Variants in PKP4 observed in about 807,000 individuals in gnomAD.
PKP4 encodes the protein plakophilin-4.
A neutral mutation model predicts 145.1 loss-of-function variants in PKP4; 90 were observed. The observed-to-expected ratio is 0.62, with a 90% CI of 0.52 to 0.74. PKP4 has a LOEUF of 0.74. Ranked by LOEUF, PKP4 falls within the 30% of genes least tolerant of loss-of-function variation. The probability of loss-of-function intolerance (pLI) is 0.00; values close to 1 mark genes in which losing one functional copy is unlikely to be tolerated. For synonymous variants in PKP4, 563 were observed against 577.2 expected, an observed-to-expected ratio of 0.98 and a Z score of 0.35; for missense variants, 1,340 against 1,482.7, an observed-to-expected ratio of 0.90 and a Z score of 1.58.
chr2:158,505,849 C>T lies in PKP4; in HGVS notation c.-5-27331C>T, dbSNP rs146778072. 1.3e-4 allele frequency among the ~76,000 whole-genome samples: 20 copies of T among 152,038 alleles called. No individual in the cohort carries two copies. In the East Asian group the frequency reaches 1.6e-3, roughly 12 times the overall value. On this transcript the variant is annotated intron_variant, in intron 1 of 21. Coordinates refer to ENST00000389759, the MANE Select transcript of PKP4 (RefSeq NM_003628.6). The stretch of plus-strand genomic sequence containing the variant: ...AGAGTGCTGCTGTCCCTGGAAGTAC[C>T]GGTGTGGAGGAGGTGGGGTCTGAAA...
chr2:158,576,403 G>C (rs567243069), intron 2 of PKP4, among the ~76,000 whole-genome samples: 1 of 152,316 alleles, frequency 6.6e-6, no homozygotes, highest in African/African-American at 2.4e-5. Flanking sequence ...TGAGGAGACA[G>C]TATGGCACAG....
At chr2:158,544,780 G>T (rs867857896) in intron 2 of PKP4, among the ~76,000 whole-genome samples, 1 of 152,176 alleles carries the variant, frequency 6.6e-6, no homozygotes, top group South Asian at 2.1e-4. Context: ...ATGAGTTCAT[G>T]TTCCTCATCT....
chr2:158,668,074 GT>G lies in PKP4; in HGVS notation c.2728+1513del, dbSNP rs774319135. Among the ~76,000 whole-genome samples the G allele has an allele frequency of 4.3e-4, 65 of 151,956 alleles. 1 individual carries two copies. Among genetic ancestry groups the G allele is most frequent in the Non-Finnish European group, 8.2e-4 (56 of 68,020 alleles). On this transcript the variant is annotated intron_variant, in intron 16 of 21. Transcript: ENST00000389759. ...AAGACCTTTGGCAAGAGGAATGTGT[GT>G]TCCAAGTCTTGGCTTCCTCTCAGTG...
intron 15 of PKP4, among the ~76,000 whole-genome samples, chr2:158,664,056 A>G (rs2056855614): frequency 6.6e-6 from 1 of 152,224 alleles, no homozygotes; most frequent in Admixed American, 6.5e-5. Flanking sequence ...TACACACAGG[A>G]GGGACTACCG....
chr2:158,479,384 C>T lies in PKP4; in HGVS notation c.-6+22166C>T, dbSNP rs1247125486. 4.6e-5 allele frequency among the ~76,000 whole-genome samples: 7 copies of T among 152,092 alleles called. No homozygotes were observed. The South Asian group carries it at 6.2e-4, about 14-fold the overall frequency. ...AACAACAGGCATATGCCACCATGCC[C>T]GGTTAATTTTTGTATGTTTTGTAGA... On this transcript the variant is annotated intron_variant, in intron 1 of 21. Coordinates refer to ENST00000389759, the MANE Select transcript of PKP4 (RefSeq NM_003628.6).
chr2:158,634,646 C>T (rs895811984), intron 9 of PKP4, among the ~76,000 whole-genome samples: 4 of 152,124 alleles, frequency 2.6e-5, no homozygotes, highest in African/African-American at 7.2e-5. Flanking sequence ...TTATCCTGAC[C>T]GACTTCTTCG....
chr2:158,634,329 G>C (rs934662853), intron 9 of PKP4, 40 bp downstream of exon 9: 1 of 1,516,156 alleles, frequency 6.6e-7, no homozygotes, highest in African/African-American at 1.4e-5. Flanking sequence ...CTACAGTATT[G>C]CAGGAGTCAG....
At chr2:158,495,534 A>G (rs1574099911) in intron 1 of PKP4, among the ~76,000 whole-genome samples, 1 of 152,018 alleles carries the variant, frequency 6.6e-6, no homozygotes, top group African/African-American at 2.4e-5. Context: ...AGTAATAACT[A>G]TGTTTAAAAA....
intron 2 of PKP4, among the ~76,000 whole-genome samples, chr2:158,554,964 TA>T (rs1428968751): frequency 7.2e-6 from 1 of 138,622 alleles, no homozygotes; most frequent in Non-Finnish European, 1.7e-5. Context: ...GATTATTTGC[TA>T]TTTACTTGTT....
intron 11 of PKP4, among the ~76,000 whole-genome samples, chr2:158,653,499 T>C (rs2055599686): frequency 6.6e-6 from 1 of 152,240 alleles, no homozygotes; most frequent in African/African-American, 2.4e-5. Context: ...TTCATTGTGA[T>C]TATTGGTTAC....
At chr2:158,598,145 T>C (rs191741252) in intron 3 of PKP4, among the ~76,000 whole-genome samples, 3 of 152,346 alleles carry the variant, frequency 2.0e-5, no homozygotes, top group Non-Finnish European at 4.4e-5. Context: ...AATAAAGCAG[T>C]AAATTTTGCA....
intron 1 of PKP4, among the ~76,000 whole-genome samples, chr2:158,514,046 G>C (rs1444438854): frequency 1.3e-5 from 2 of 152,094 alleles, no homozygotes; most frequent in African/African-American, 4.8e-5. Flanking sequence ...TTACTCCTTT[G>C]TTCCTGCTAG....
intron 3 of PKP4, among the ~76,000 whole-genome samples, chr2:158,586,985 T>C (rs1396329317): frequency 6.6e-6 from 1 of 152,200 alleles, no homozygotes; most frequent in African/African-American, 2.4e-5. Flanking sequence ...TTTTAAACAA[T>C]ATATCTTTTA....
chr2:158,606,128 G>A (rs1165114262), intron 4 of PKP4, among the ~76,000 whole-genome samples: 2 of 152,056 alleles, frequency 1.3e-5, no homozygotes, highest in Non-Finnish European at 2.9e-5. Flanking sequence ...AAACCTATTA[G>A]TGGAATTGCT....
chr2:158,560,660 C>T (rs908665326), intron 2 of PKP4, among the ~76,000 whole-genome samples: 11 of 151,872 alleles, frequency 7.2e-5, no homozygotes, highest in Non-Finnish European at 1.2e-4. Context: ...TAGGAAAGAA[C>T]GTGGTATATT....
intron 4 of PKP4, among the ~76,000 whole-genome samples, chr2:158,620,671 C>T (rs1253326261): frequency 6.6e-6 from 1 of 152,164 alleles, no homozygotes; most frequent in Non-Finnish European, 1.5e-5. Context: ...CATTCTCAGT[C>T]TTTTAATCCC....
chr2:158,582,399 AAATT>A (rs1417028289), intron 3 of PKP4, among the ~76,000 whole-genome samples: 2 of 152,254 alleles, frequency 1.3e-5, no homozygotes, highest in Non-Finnish European at 2.9e-5. Flanking sequence ...CAAAATACAA[AAATT>A]AAAAGTTGGG....
chr2:158,642,730 GA>G, intron 11 of PKP4, 31 bp downstream of exon 11: 1 of 1,508,602 alleles, frequency 6.6e-7, no homozygotes, highest in Non-Finnish European at 9.0e-7. Flanking sequence ...CGTCCTAGAG[GA>G]AATGTTGAAA....
chr2:158,642,835 G>T, intron 11 of PKP4, 136 bp downstream of exon 11: 1 of 511,888 alleles, frequency 2.0e-6, no homozygotes, highest in Non-Finnish European at 3.4e-6. Context: ...TCACAACTGT[G>T]AAGGCTGAGA....
Sources: allele counts gnomAD v4.1 joint callset (sites outside exome capture counted in the v4.1 genomes callset), GRCh38; gene constraint gnomAD v4.1.1; transcripts MANE v1.5; gene names NCBI Gene and HGNC (gene_info 2026-07-23, HGNC 2026-07-21).